The following DIP2C variants were observed in gnomAD, a reference collection of about 807,000 sequenced individuals.
DIP2C encodes the protein disco-interacting protein 2 homolog C.
DIP2C carries 33 observed loss-of-function variants against 192.4 expected under a neutral mutation model. That is an observed-to-expected ratio of 0.17 (90% CI 0.13 to 0.23). The LOEUF is 0.23. Ranked by LOEUF, DIP2C falls within the 10% of genes least tolerant of loss-of-function variation. The pLI is 1.00. For synonymous variants in DIP2C, 979 were observed against 864.1 expected, an observed-to-expected ratio of 1.13 and a Z score of -2.33; for missense variants, 1,537 against 2,110.1, an observed-to-expected ratio of 0.73 and a Z score of 5.32.
chr10:307,074 G>A (rs1956358307), intron 32 of DIP2C, among the ~76,000 whole-genome samples: 1 of 152,000 alleles, frequency 6.6e-6, no homozygotes, highest in Non-Finnish European at 1.5e-5. Flanking sequence ...CGTGATCTCT[G>A]CACTTGTGGC....
intron 1 of DIP2C, among the ~76,000 whole-genome samples, chr10:644,570 G>C (rs1411599346): frequency 1.3e-5 from 2 of 152,260 alleles, no homozygotes; most frequent in African/African-American, 2.4e-5. Context: ...AGGGAGTCTG[G>C]GCAGGTGCAG....
rs552895604 is a variant in DIP2C at position 318,088 on chromosome 10, C to T, written c.3925-7996G>A. On this transcript the variant is annotated intron_variant, in intron 31 of 36. Coordinates refer to ENST00000280886, the MANE Select transcript of DIP2C (RefSeq NM_014974.3). ...GCAGCAGCTGCATCACGGTGGCTTC[C>T]TGGGGCTATGGAGATGCGTAAGGGC... Among the ~76,000 whole-genome samples the T allele has an allele frequency of 5.8e-4, 89 of 152,246 alleles. 1 individual carries two copies. The highest frequency in any genetic ancestry group is 2.0e-3 in the African/African-American group (81 of 41,526).
chr10:357,793 G>A lies in DIP2C; in HGVS notation c.2904+35C>T, dbSNP rs1439703619. The A allele has an allele frequency of 2.0e-6, 3 of 1,537,138 alleles. No homozygotes were observed. The African/African-American group carries it at 4.1e-5, about 21-fold the overall frequency. ...GGTCGGGGACAGTCGGAAAAGTCGG[G>A]GACGGTCGGGGAGACTCAGGGACCC... On this transcript the variant is annotated intron_variant, in intron 23 of 36. Coordinates refer to ENST00000280886, the MANE Select transcript of DIP2C (RefSeq NM_014974.3).
At chr10:288,769 G>C (rs1955301208) in intron 32 of DIP2C, among the ~76,000 whole-genome samples, 1 of 152,252 alleles carries the variant, frequency 6.6e-6, no homozygotes. Flanking sequence ...ACCCACGACT[G>C]TGTTGCCTGG....
intron 1 of DIP2C, among the ~76,000 whole-genome samples, chr10:687,045 A>C (rs1831365059): frequency 6.6e-6 from 1 of 152,256 alleles, no homozygotes; most frequent in African/African-American, 2.4e-5. Flanking sequence ...CTGATATTTT[A>C]ATAAAATGAT....
intron 14 of DIP2C, among the ~76,000 whole-genome samples, chr10:386,217 G>A (rs1006099587): frequency 1.3e-4 from 20 of 152,202 alleles, no homozygotes; most frequent in African/African-American, 1.4e-4. Flanking sequence ...AATCACATGC[G>A]TCAAACGTGT....
At chr10:321,438 T>G (rs1162586010) in intron 31 of DIP2C, among the ~76,000 whole-genome samples, 1 of 152,182 alleles carries the variant, frequency 6.6e-6, no homozygotes, top group Non-Finnish European at 1.5e-5. Flanking sequence ...ACAATGTTCT[T>G]TGCTGAGTTT....
intron 1 of DIP2C, among the ~76,000 whole-genome samples, chr10:613,146 G>A (rs1364776219): frequency 6.6e-6 from 1 of 152,196 alleles, no homozygotes; most frequent in African/African-American, 2.4e-5. Flanking sequence ...ACTCATTTCA[G>A]GGGAAATTAC....
At chr10:298,992 T>C (rs1955889184) in intron 32 of DIP2C, among the ~76,000 whole-genome samples, 1 of 152,246 alleles carries the variant, frequency 6.6e-6, no homozygotes. Flanking sequence ...TTTATGAGCA[T>C]GTGTAAAAAT....
chr10:644,950 T>C (rs1271936522), intron 1 of DIP2C, among the ~76,000 whole-genome samples: 2 of 152,022 alleles, frequency 1.3e-5, no homozygotes, highest in East Asian at 1.9e-4. Flanking sequence ...ATGGATGAGA[T>C]GGGGAGGACT....
At chr10:571,505 C>CT in intron 1 of DIP2C, among the ~76,000 whole-genome samples, 1 of 151,584 alleles carries the variant, frequency 6.6e-6, no homozygotes, top group Non-Finnish European at 1.5e-5. Context: ...CCCCCTTTCA[C>CT]TTCCCTTCTT....
intron 3 of DIP2C, among the ~76,000 whole-genome samples, chr10:464,165 T>G (rs994369282): frequency 6.6e-6 from 1 of 152,104 alleles, no homozygotes; most frequent in East Asian, 1.9e-4. Flanking sequence ...TAAACTAAAG[T>G]GCTTCTGCAC....
chr10:345,002 T>G lies in DIP2C; in HGVS notation c.3340A>C (p.Thr1114Pro). 1 of 1,612,210 alleles carries G rather than the reference T, an allele frequency of 6.2e-7. No homozygotes were observed. Among genetic ancestry groups the G allele is most frequent in the African/African-American group, 1.3e-5 (1 of 75,016 alleles). Reference sequence around the variant, plus strand: ...CTTCTGCAGCTAAAGCACCAACCTGTGTCCAGGATGAGGGGCCACGTCCTG... The same window carrying G: ...CTTCTGCAGCTAAAGCACCAACCTGGGTCCAGGATGAGGGGCCACGTCCTG... ...DVRTWPLILD[T>P]DDLPKKRPAQ... The change falls in exon 27 of 37, where the codon ACA becomes CCA. Residue 1114 changes from threonine to proline, a missense_variant. Around this residue, in one of 4 missense-constraint regions of DIP2C, gnomAD observed 677 missense variants for 989.9 expected, o/e 0.68. Coordinates refer to ENST00000280886, the MANE Select transcript of DIP2C (RefSeq NM_014974.3).
At chr10:452,741 C>G (rs1000600872) in intron 3 of DIP2C, among the ~76,000 whole-genome samples, 2 of 152,174 alleles carry the variant, frequency 1.3e-5, no homozygotes, top group African/African-American at 4.8e-5. Flanking sequence ...AGAGAAAACA[C>G]CACACACCGC....
intron 2 of DIP2C, among the ~76,000 whole-genome samples, chr10:479,328 CT>C (rs766379689): frequency 0.097 from 8,532 of 88,202 alleles, 707 homozygotes; most frequent in African/African-American, 0.26. Context: ...TCTCACACTG[CT>C]TTTTTTTTTT....
intron 19 of DIP2C, chr10:365,037 T>C (rs1377871503): frequency 1.9e-6 from 1 of 529,518 alleles, no homozygotes; most frequent in Non-Finnish European, 3.9e-6. Flanking sequence ...AAGAAAAATA[T>C]TAAGGAAGCA....
chr10:597,320 G>C (rs886435760), intron 1 of DIP2C, among the ~76,000 whole-genome samples: 2 of 152,164 alleles, frequency 1.3e-5, no homozygotes, highest in Non-Finnish European at 2.9e-5. Flanking sequence ...CTTGGCCTCC[G>C]TAGCCCCTGC....
intron 1 of DIP2C, among the ~76,000 whole-genome samples, chr10:524,381 A>C (rs1335897423): frequency 2.0e-5 from 3 of 152,258 alleles, no homozygotes; most frequent in Admixed American, 6.5e-5. Context: ...CTTCATGGTC[A>C]TCAAGTAAAA....
intron 24 of DIP2C, among the ~76,000 whole-genome samples, chr10:354,436 CA>C (rs1169543180): frequency 2.0e-5 from 3 of 152,182 alleles, no homozygotes; most frequent in African/African-American, 7.2e-5. Flanking sequence ...GGATCTTCCC[CA>C]AATCAGGCAC....
Sources: gnomAD v4.1 joint callset for allele counts (sites outside exome capture counted in the v4.1 genomes callset) on GRCh38, gnomAD v4.1.1 for gene constraint, gnomAD v4.1.1 regional missense constraint, MANE v1.5 for transcripts, NCBI Gene and HGNC (gene_info 2026-07-23, HGNC 2026-07-21) for gene names.